Variants in NDC80 observed in about 807,000 individuals in gnomAD.
NDC80 encodes the protein NDC80 kinetochore complex component.
Under a neutral mutation model 89.3 loss-of-function variants are expected in NDC80, and 69 were observed. The observed-to-expected ratio is 0.77, with a 90% CI of 0.64 to 0.94. NDC80 has a LOEUF of 0.94. Among genes scored for constraint, NDC80 ranks in the 40% least tolerant of loss-of-function variants. The pLI, the probability that NDC80 is intolerant of heterozygous loss-of-function variation, is 0.00. For missense variants in NDC80, 593 were observed against 739.6 expected (o/e 0.80, Z 2.30); for synonymous variants, 243 against 255.6 (o/e 0.95, Z 0.47).
In NDC80 at chr18:2,606,063, G is replaced by C. The variant is rs2072709812; in HGVS notation, c.1465-352G>C. On this transcript the variant is annotated intron_variant, in intron 13 of 16. Transcript: ENST00000261597. ...AATGAAAAGCTAAATAGCTGTAGTA[G>C]ATATAGTCTAAATAAAGCTAGATTT... is the stretch of plus-strand genomic sequence containing the variant. Among the ~76,000 whole-genome samples the C allele has an allele frequency of 2.0e-5, 3 of 151,490 alleles. No homozygotes were observed. The South Asian group carries it at 6.2e-4, about 31-fold the overall frequency.
chr18:2,590,574 G>A (rs369044567), intron 10 of NDC80, among the ~76,000 whole-genome samples: 33 of 152,066 alleles, frequency 2.2e-4, no homozygotes, highest in East Asian at 1.3e-3. Flanking sequence ...ATCTCCCTCT[G>A]CCTCTATCTT....
At chr18:2,607,375 T>C (rs1407055677) in intron 14 of NDC80, among the ~76,000 whole-genome samples, 7 of 152,170 alleles carry the variant, frequency 4.6e-5, no homozygotes, top group Non-Finnish European at 7.4e-5. Context: ...GCATAGTTAA[T>C]ACATCTGTGA....
intron 16 of NDC80, among the ~76,000 whole-genome samples, chr18:2,615,658 A>G (rs1412702868): frequency 6.6e-6 from 1 of 152,248 alleles, no homozygotes; most frequent in African/African-American, 2.4e-5. Flanking sequence ...GCTATTACTC[A>G]GCCTACTATA....
chr18:2,599,300 C>A, intron 12 of NDC80, 129 bp downstream of exon 12: 1 of 688,458 alleles, frequency 1.5e-6, no homozygotes, highest in Non-Finnish European at 2.2e-6. Context: ...TATCTTCTTT[C>A]TTCTCGGTCA....
chr18:2,581,222 A>G (rs1406561165), intron 6 of NDC80, among the ~76,000 whole-genome samples: 2 of 152,210 alleles, frequency 1.3e-5, no homozygotes, highest in Admixed American at 6.5e-5. Flanking sequence ...TTTAAAAACA[A>G]TTTTACAAAT....
At chr18:2,598,884 T>G (rs2072670339) in intron 11 of NDC80, 135 bp from the exon 12 acceptor site, 1 of 818,786 alleles carries the variant, frequency 1.2e-6, no homozygotes. Flanking sequence ...CTACTCTTAC[T>G]GCTAAAGATT....
intron 13 of NDC80, among the ~76,000 whole-genome samples, chr18:2,603,324 G>A (rs1296973834): frequency 7.5e-6 from 1 of 132,804 alleles, no homozygotes; most frequent in Admixed American, 7.5e-5. Context: ...GACAAAATTA[G>A]TTGGAGAACA....
At chr18:2,608,904 AT>A in intron 15 of NDC80, 74 bp downstream of exon 15, 1 of 1,483,996 alleles carries the variant, frequency 6.7e-7, no homozygotes, top group Non-Finnish European at 9.2e-7. Flanking sequence ...AATTAGATCT[AT>A]TTTTATTTGC....
chr18:2,613,461 A>G (rs1475404483), intron 16 of NDC80, among the ~76,000 whole-genome samples: 1 of 152,232 alleles, frequency 6.6e-6, no homozygotes, highest in Non-Finnish European at 1.5e-5. Context: ...GATTAAGAGT[A>G]CAGAAATAGA....
rs369923279 is a variant in NDC80, at chr18:2,600,427, G to A, written c.1375-969G>A. ...AGTTCGAGAGCAGCCTGGCCAATAT[G>A]GTGAAACCCCATCTCTACTAAAAAT... On this transcript the variant is annotated intron_variant, in intron 12 of 16. Coordinates refer to ENST00000261597, the MANE Select transcript of NDC80 (RefSeq NM_006101.3). Among the ~76,000 whole-genome samples the A allele has an allele frequency of 9.2e-5, 14 of 152,130 alleles. No individual in the cohort carries two copies. The South Asian group carries it at 1.0e-3, about 11-fold the overall frequency.
chr18:2,585,298 G>T, intron 7 of NDC80, 96 bp downstream of exon 7: 6 of 862,066 alleles, frequency 7.0e-6, no homozygotes, highest in East Asian at 2.6e-5. Context: ...TTATGATAGA[G>T]TAATAAACCG....
chr18:2,599,133 G>C lies in NDC80; in HGVS notation c.1336G>C (p.Gly446Arg). 6.2e-7 allele frequency: 1 copy of C among 1,613,008 alleles called. No individual in the cohort carries two copies. Among genetic ancestry groups the C allele is most frequent in the South Asian group, 1.1e-5 (1 of 90,848 alleles). Residue 446 changes from glycine to arginine, a missense_variant, in exon 12 of 17, where the codon GGT (glycine) becomes CGT (arginine). Gly to Arg is a moderately radical substitution (Grantham distance 125, BLOSUM62 -2). Transcript: ENST00000261597. ...TGAAATTAAGTTTAATCCCGAGGCT[G>C]GTGCCAACTGCCTTGTCAAATACAG... is the stretch of plus-strand genomic sequence containing the variant. ...DFEIKFNPEA[G>R]ANCLVKYRAQ...
intron 12 of NDC80, among the ~76,000 whole-genome samples, chr18:2,600,670 A>C (rs1047389758): frequency 2.6e-5 from 4 of 152,144 alleles, no homozygotes; most frequent in African/African-American, 9.7e-5. Context: ...GAGCAGGCCA[A>C]AATTAAAACT....
intron 1 of NDC80, among the ~76,000 whole-genome samples, chr18:2,571,929 G>T (rs1180769942): frequency 1.3e-5 from 2 of 152,136 alleles, no homozygotes; most frequent in African/African-American, 4.8e-5. Flanking sequence ...AGGAGTGGAG[G>T]CTCGGGAGAG....
In NDC80 at chr18:2,616,528, A is replaced by G; in HGVS notation, c.1883A>G (p.Asp628Gly). ...TCGGAAAATATTAAAGAGATTAGAGATAAGTATGAGAAGAAAGCTACTCTA... is the reference window on the plus strand; with the variant it reads ...TCGGAAAATATTAAAGAGATTAGAGGTAAGTATGAGAAGAAAGCTACTCTA... ...DLSENIKEIR[D>G]KYEKKATLIK... is the part of the protein sequence containing the mutation. Residue 628 changes from aspartate (D) to glycine (G), a missense_variant, in exon 17 of 17, where the codon GAT becomes GGT. Physicochemically the swap from Asp to Gly is moderately conservative, Grantham distance 94. Coordinates refer to ENST00000261597, the MANE Select transcript of NDC80 (RefSeq NM_006101.3). The G allele has an allele frequency of 6.7e-7, 1 of 1,490,782 alleles. No homozygotes were observed. The allele number at this position is 1,490,782 out of a possible 1,614,324, so 92.3% of individuals were successfully genotyped here. A position where few individuals can be genotyped will look rare whatever the true frequency, so the allele number is the denominator to read the frequency against.
intron 15 of NDC80, among the ~76,000 whole-genome samples, chr18:2,609,298 C>T (rs543930910): frequency 1.3e-5 from 2 of 152,014 alleles, no homozygotes; most frequent in Middle Eastern, 3.4e-3. Context: ...AAATAGTTAC[C>T]ATGCTGTGCA....
intron 11 of NDC80, 62 bp downstream of exon 11, chr18:2,595,683 C>A: frequency 7.0e-7 from 1 of 1,434,170 alleles, no homozygotes; most frequent in Non-Finnish European, 9.6e-7. Context: ...AGGTCTGTCC[C>A]AATTAAGAAG....
At chr18:2,603,491 G>GTT (rs912030422) in intron 13 of NDC80, among the ~76,000 whole-genome samples, 4 of 151,036 alleles carry the variant, frequency 2.6e-5, no homozygotes, top group Admixed American at 2.0e-4. Flanking sequence ...TGGACAAGTA[G>GTT]TTTAAGTTAA....
chr18:2,590,160 T>A lies in NDC80; in HGVS notation c.1013T>A (p.Val338Glu). The change falls in exon 10 of 17, where the codon GTA becomes GAA. Residue 338 changes from valine (V) to glutamate (E), a missense_variant and splice_region_variant. Physicochemically the swap from Val to Glu is moderately radical, Grantham distance 121. Coordinates refer to ENST00000261597, the MANE Select transcript of NDC80 (RefSeq NM_006101.3). ...LNGLNEEIAR[V>E]ELECETIKQE... Reference sequence around the variant, plus strand: ...GGTCTCAATGAGGAAATTGCTAGAGTAGGTAAGCAGAGCTAATGCTAAAAG... The same window carrying A: ...GGTCTCAATGAGGAAATTGCTAGAGAAGGTAAGCAGAGCTAATGCTAAAAG... The A allele has an allele frequency of 6.3e-7, 1 of 1,596,308 alleles. No individual in the cohort carries two copies. The highest frequency in any genetic ancestry group is 8.5e-7 in the Non-Finnish European group (1 of 1,173,594).
Sources: gnomAD v4.1 joint callset for allele counts (sites outside exome capture counted in the v4.1 genomes callset) on GRCh38, gnomAD v4.1.1 for gene constraint, MANE v1.5 for transcripts, NCBI Gene and HGNC (gene_info 2026-07-23, HGNC 2026-07-21) for gene names.